RBM20: variants seen among roughly 807,000 people sequenced by gnomAD.
The protein encoded by RBM20 is RNA-binding protein 20.
Under a neutral mutation model 110.1 loss-of-function variants are expected in RBM20, and 51 were observed. The observed-to-expected ratio is 0.46, with a 90% CI of 0.37 to 0.59. The LOEUF (loss-of-function observed/expected upper bound fraction) is 0.59. RBM20 is among the 20% of genes least tolerant of loss of function. The pLI is 0.00. For synonymous variants in RBM20, 589 were observed against 618.2 expected (o/e 0.95, Z 0.70); for missense variants, 1,512 against 1,574.9 (o/e 0.96, Z 0.68).
chr10:110,821,162 G>C (rs1844903730), intron 10 of RBM20, 113 bp from the exon 11 acceptor site: 1 of 852,632 alleles, frequency 1.2e-6, no homozygotes, highest in Non-Finnish European at 1.8e-6. Context: ...ACCAGGTAGA[G>C]GTAAGAATGC....
intron 1 of RBM20, among the ~76,000 whole-genome samples, chr10:110,745,141 G>A (rs1843764322): frequency 6.6e-6 from 1 of 152,218 alleles, no homozygotes; most frequent in African/African-American, 2.4e-5. Flanking sequence ...AAACCCAAAT[G>A]TGACTGCAAA....
intron 1 of RBM20, 23 bp from the exon 2 acceptor site, chr10:110,780,778 T>C: frequency 6.7e-7 from 1 of 1,494,286 alleles, no homozygotes; most frequent in Non-Finnish European, 9.0e-7. Flanking sequence ...CAGCTGTGCA[T>C]CTAGACCTCT....
chr10:110,806,870 T>A (rs1421585897), intron 7 of RBM20, among the ~76,000 whole-genome samples: 1 of 152,216 alleles, frequency 6.6e-6, no homozygotes, highest in African/African-American at 2.4e-5. Context: ...ACCCACAGAA[T>A]ACAGAAGCTG....
intron 12 of RBM20, among the ~76,000 whole-genome samples, chr10:110,825,522 T>C (rs1590704017): frequency 6.6e-6 from 1 of 152,368 alleles, no homozygotes; most frequent in East Asian, 1.9e-4. Context: ...CCTACCACTG[T>C]CATGCCCAGT....
chr10:110,796,743 ACT>A (rs1356851340), intron 5 of RBM20, among the ~76,000 whole-genome samples: 2 of 151,630 alleles, frequency 1.3e-5, no homozygotes, highest in African/African-American at 4.9e-5. Context: ...GTACAGGAAG[ACT>A]CTGACTTCTT....
intron 1 of RBM20, among the ~76,000 whole-genome samples, chr10:110,737,817 A>G (rs1188644930): frequency 6.6e-6 from 1 of 152,198 alleles, no homozygotes; most frequent in Non-Finnish European, 1.5e-5. Context: ...CTTGATGGAT[A>G]TAGGTTGTTT....
intron 1 of RBM20, among the ~76,000 whole-genome samples, chr10:110,698,062 C>T (rs1298117443): frequency 1.3e-5 from 2 of 152,122 alleles, no homozygotes; most frequent in African/African-American, 4.8e-5. Context: ...CGCCCACCAA[C>T]ACGCCCGGCT....
intron 1 of RBM20, among the ~76,000 whole-genome samples, chr10:110,757,490 A>T (rs938691966): frequency 5.3e-5 from 8 of 152,256 alleles, no homozygotes; most frequent in African/African-American, 1.7e-4. Context: ...GGAGGCACCC[A>T]AAAGTACTCA....
At position 110,711,329 on chromosome 10, in the gene RBM20, CA is replaced by C. The variant is rs1157753270; in HGVS notation, c.191+66712del. On this transcript the variant is annotated intron_variant, in intron 1 of 13. Transcript: ENST00000369519. Reference sequence around the variant, plus strand: ...TGGGAGACAGAGTGAGACTCCATCTCAAAAAAAAAAAAAAAAAAAAAAAAAA... The same window carrying C: ...TGGGAGACAGAGTGAGACTCCATCTCAAAAAAAAAAAAAAAAAAAAAAAAA... 8.5e-3 allele frequency among the ~76,000 whole-genome samples: 240 copies of C among 28,394 alleles called. 1 individual carries two copies. The highest frequency in any genetic ancestry group is 0.03 in the African/African-American group (184 of 6,196). 18.6% of individuals were successfully genotyped at this position (28,394 alleles called of 152,430 possible). A position where few individuals can be genotyped will look rare whatever the true frequency, so the allele number is the denominator to read the frequency against.
intron 13 of RBM20, 149 bp from the exon 14 acceptor site, chr10:110,835,719 G>C (rs1226109964): frequency 1.6e-6 from 1 of 642,690 alleles, no homozygotes. Flanking sequence ...TGTAGCCCCA[G>C]TGGGGATCTC....
At chr10:110,672,014 C>T (rs1252457738) in intron 1 of RBM20, among the ~76,000 whole-genome samples, 1 of 152,018 alleles carries the variant, frequency 6.6e-6, no homozygotes, top group Non-Finnish European at 1.5e-5. Flanking sequence ...TCAAATTCAC[C>T]CCAGAGGGAC....
At chr10:110,724,944 C>T (rs1843545621) in intron 1 of RBM20, among the ~76,000 whole-genome samples, 1 of 152,110 alleles carries the variant, frequency 6.6e-6, no homozygotes, top group Non-Finnish European at 1.5e-5. Context: ...GAGGAGGAGT[C>T]CCAGTCCTCA....
intron 1 of RBM20, among the ~76,000 whole-genome samples, chr10:110,703,340 T>C (rs1188383185): frequency 1.3e-5 from 2 of 151,012 alleles, no homozygotes; most frequent in Non-Finnish European, 2.9e-5. Context: ...ATTGCGCCAT[T>C]GCACTCTAGC....
At chr10:110,716,917 A>G (rs1417781009) in intron 1 of RBM20, among the ~76,000 whole-genome samples, 4 of 97,558 alleles carry the variant, frequency 4.1e-5, no homozygotes, top group Non-Finnish European at 5.8e-5. Flanking sequence ...GTCTCAAAAA[A>G]AAAAAGAAAA....
At position 110,819,503 on chromosome 10, in the gene RBM20, C is replaced by T. The variant is rs78963434; in HGVS notation, c.2551-569C>T. 3.6e-3 allele frequency among the ~76,000 whole-genome samples: 546 copies of T among 152,260 alleles called. 2 individuals carry two copies. The highest frequency in any genetic ancestry group is 4.3e-3 in the Non-Finnish European group (294 of 68,018). ...TCAATTGTTCAGTTTCACAGACATG[C>T]GCACTACTGTGAGGGTCCTGATTTG... On this transcript the variant is annotated intron_variant, in intron 9 of 13. Transcript: ENST00000369519.
intron 13 of RBM20, chr10:110,835,661 A>G (rs1000850629): frequency 4.4e-6 from 2 of 454,314 alleles, no homozygotes; most frequent in African/African-American, 4.1e-5. Context: ...TCTACAGGAG[A>G]CATGTATTAC....
upstream of RBM20, among the ~76,000 whole-genome samples, chr10:110,643,873 C>G (rs1034873376): frequency 6.6e-6 from 1 of 152,192 alleles, no homozygotes; most frequent in African/African-American, 2.4e-5. Flanking sequence ...GATGCCAGGC[C>G]CGGCACACTT....
chr10:110,684,922 C>T (rs905617271), intron 1 of RBM20, among the ~76,000 whole-genome samples: 2 of 152,138 alleles, frequency 1.3e-5, no homozygotes, highest in African/African-American at 4.8e-5. Flanking sequence ...GTGAAGGAGA[C>T]AAGTAAAGAG....
intron 12 of RBM20, among the ~76,000 whole-genome samples, chr10:110,823,990 G>C (rs1364506120): frequency 6.6e-6 from 1 of 151,732 alleles, no homozygotes; most frequent in African/African-American, 2.4e-5. Flanking sequence ...GCTTCCCAAA[G>C]TGCTGGGACT....
Sources: allele counts gnomAD v4.1 joint callset (sites outside exome capture counted in the v4.1 genomes callset), GRCh38; gene constraint gnomAD v4.1.1; transcripts MANE v1.5; gene names NCBI Gene and HGNC (gene_info 2026-07-23, HGNC 2026-07-21).